The following SPTA1 variants were observed in gnomAD, a reference collection of about 807,000 sequenced individuals.
SPTA1 encodes spectrin alpha, erythrocytic 1.
In SPTA1, 177 loss-of-function variants were observed where a neutral mutation model predicts 324.7. The ratio of observed to expected loss-of-function variants is 0.55; its 90% CI spans 0.48 to 0.62. The LOEUF (loss-of-function observed/expected upper bound fraction) is 0.62. Among genes scored for constraint, SPTA1 ranks in the 20% least tolerant of loss-of-function variants. The pLI, the probability that SPTA1 is intolerant of heterozygous loss-of-function variation, is 0.00. For missense variants in SPTA1, 3,162 were observed against 2,883.6 expected (o/e 1.10, Z -2.21); for synonymous variants, 1,195 against 1,041.3 (o/e 1.15, Z -2.84).
At position 158,642,859 on chromosome 1, in the gene SPTA1, C is replaced by T; in HGVS notation, c.4560G>A (p.Leu1520=). Residue 1520 remains leucine, a synonymous_variant, in exon 32 of 52, where the codon CTG becomes CTA. Coordinates refer to ENST00000643759, the MANE Select transcript of SPTA1 (RefSeq NM_003126.4). ...EELEEWISEM[L]PTACDESYKD... is the part of the protein sequence containing the mutation. ...TGTAGGATTCATCACAGGCTGTGGGCAGCATCTCACTGATCCATTCTTCCA... is the reference window on the plus strand; with the variant it reads ...TGTAGGATTCATCACAGGCTGTGGGTAGCATCTCACTGATCCATTCTTCCA... 6.2e-7 allele frequency: 1 copy of T among 1,613,892 alleles called. No individual in the cohort carries two copies. Among genetic ancestry groups the T allele is most frequent in the Non-Finnish European group, 8.5e-7 (1 of 1,179,888 alleles).
chr1:158,616,751 A>G (rs1029444229), intron 47 of SPTA1, among the ~76,000 whole-genome samples: 4 of 152,072 alleles, frequency 2.6e-5, no homozygotes, highest in Non-Finnish European at 4.4e-5. Flanking sequence ...TGATATATTA[A>G]TTTCCCTTCT....
chr1:158,640,704 T>C (rs1651489810), intron 33 of SPTA1, among the ~76,000 whole-genome samples: 1 of 152,140 alleles, frequency 6.6e-6, no homozygotes, highest in Non-Finnish European at 1.5e-5. Context: ...TCCATGCTCA[T>C]GGGTAGGAAG....
At position 158,677,787 on chromosome 1, in the gene SPTA1, A is replaced by C. The variant is rs753765425; in HGVS notation, c.860T>G (p.Leu287Arg). 1 of 1,613,724 alleles carries C rather than the reference A, an allele frequency of 6.2e-7. No individual in the cohort carries two copies. Among genetic ancestry groups the C allele is most frequent in the South Asian group, 1.1e-5 (1 of 91,068 alleles). The change falls in exon 7 of 52, where the codon CTC becomes CGC. Residue 287 changes from leucine to arginine, a missense_variant. Transcript: ENST00000643759. ...IQWIKEKEPV[L>R]TSEDYGKDLV... ...GTCTTTGCCATAGTCCTCAGAGGTG[A>C]GTACAGGTTCCTTCTCCTTGATCCA...
Position 158,683,396 on chromosome 1 carries a change from C to T in SPTA1, c.365G>A (p.Gly122Asp), listed in dbSNP as rs1571536740. ...CTTCGTTTCTTCGTGGGCAGAATGA[C>T]CCATGGTAAATCGTTCTTCCCTTGT... The part of the protein sequence containing the change: ...EKTREERFTM[G>D]HSAHEETKAH... Residue 122 changes from glycine to aspartate, a missense_variant, in exon 3 of 52, where the codon GGT (glycine) becomes GAT (aspartate). Gly to Asp is a moderately conservative substitution (Grantham distance 94, BLOSUM62 -1). Coordinates refer to ENST00000643759, the MANE Select transcript of SPTA1 (RefSeq NM_003126.4). 2 of 1,613,342 alleles carry T rather than the reference C, an allele frequency of 1.2e-6. No individual in the cohort carries two copies. The highest frequency in any genetic ancestry group is 1.7e-6 in the Non-Finnish European group (2 of 1,179,494).
In SPTA1 at chr1:158,657,618, A is replaced by T. The variant is rs1268656676; in HGVS notation, c.2664T>A (p.Ala888=). The T allele has an allele frequency of 1.2e-6, 2 of 1,614,010 alleles. No individual in the cohort carries two copies. Among genetic ancestry groups the T allele is most frequent in the South Asian group, 2.2e-5 (2 of 91,094 alleles). ...CTTCAAGATCATTTTGTCGCCTAGC[A>T]GCTCGAGCACGGAGAGACTCCATAT... ...NQNMESLRAR[A]ARRQNDLEAN... is the part of the protein sequence containing the mutation. Residue 888 remains alanine (A), a synonymous_variant, in exon 19 of 52, where the codon GCT becomes GCA. Transcript: ENST00000643759.
At chr1:158,620,531 T>G in intron 43 of SPTA1, 65 bp from the exon 44 acceptor site, 2 of 1,595,380 alleles carry the variant, frequency 1.3e-6, no homozygotes, top group Non-Finnish European at 1.7e-6. Flanking sequence ...AAGAGAAGAT[T>G]GAGGATAAAA....
intron 27 of SPTA1, 101 bp downstream of exon 27, chr1:158,647,438 G>A: frequency 6.9e-7 from 1 of 1,446,958 alleles, no homozygotes; most frequent in Admixed American, 1.7e-5. Context: ...CTTAAACGTA[G>A]TGATGCCCTC....
Position 158,613,778 on chromosome 1 carries a change from T to A in SPTA1, c.6932A>T (p.Glu2311Val). The A allele has an allele frequency of 6.2e-7, 1 of 1,613,810 alleles. No individual in the cohort carries two copies. The highest frequency in any genetic ancestry group is 1.7e-4 in the Middle Eastern group (1 of 6,054). ...RGLNYYLPMV[E>V]EDEHEPKFEK... ...AAACTTGGGCTCATGTTCATCCTCC[T>A]CCACCATGGGCAAGTAGTAATTGAG... is the stretch of plus-strand genomic sequence containing the variant. The change falls in exon 50 of 52, where the codon GAG becomes GTG. Residue 2311 changes from glutamate (E) to valine (V), a missense_variant. Transcript: ENST00000643759.
intron 2 of SPTA1, 79 bp from the exon 3 acceptor site, chr1:158,683,575 A>C: frequency 6.3e-7 from 1 of 1,587,596 alleles, no homozygotes; most frequent in East Asian, 2.3e-5. Flanking sequence ...AAAGCCACCA[A>C]ACACAGGTTC....
rs1654574225 is a variant in SPTA1, at chr1:158,678,611, T to G, written c.679-77A>C. ...AAAATTATTCAAACACTTTTCATTTTACATTAGTTCATACTTTTACAGAAG... is the reference window on the plus strand; with the variant it reads ...AAAATTATTCAAACACTTTTCATTTGACATTAGTTCATACTTTTACAGAAG... On this transcript the variant is annotated intron_variant, in intron 5 of 51. Coordinates refer to ENST00000643759, the MANE Select transcript of SPTA1 (RefSeq NM_003126.4). 5 of 1,516,450 alleles carry G rather than the reference T, an allele frequency of 3.3e-6. No individual in the cohort carries two copies. In the Admixed American group the frequency reaches 9.0e-5, roughly 27 times the overall value. 93.9% of individuals were successfully genotyped at this position (1,516,450 alleles called of 1,614,324 possible).
At position 158,642,924 on chromosome 1, in the gene SPTA1, A is replaced by G. The variant is rs758996351; in HGVS notation, c.4495T>C (p.Tyr1499His). Residue 1499 changes from tyrosine (Y) to histidine (H), a missense_variant, in exon 32 of 52, where the codon TAT becomes CAT. Tyr to His is a moderately conservative substitution (Grantham distance 83). Transcript: ENST00000643759. ...CGGTAGAATTGTTTTAGGTTGGCAT[A>G]GTCTCCAAGCTTTGTCCGCTCATCA... Reference protein sequence around the residue: ...LIDERTKLGDYANLKQFYRDL... With the variant: ...LIDERTKLGDHANLKQFYRDL... The G allele has an allele frequency of 1.2e-6, 2 of 1,613,816 alleles. No individual in the cohort carries two copies. Among genetic ancestry groups the G allele is most frequent in the Non-Finnish European group, 1.7e-6 (2 of 1,179,854 alleles).
At chr1:158,640,075 A>C in intron 33 of SPTA1, 68 bp from the exon 34 acceptor site, 1 of 1,610,288 alleles carries the variant, frequency 6.2e-7, no homozygotes, top group East Asian at 2.2e-5. Context: ...ACTTGAGAGA[A>C]TAATGTAGGA....
At chr1:158,634,446 A>G (rs1253302084) in intron 39 of SPTA1, 97 bp downstream of exon 39, 4 of 1,522,686 alleles carry the variant, frequency 2.6e-6, no homozygotes, top group African/African-American at 1.4e-5. Flanking sequence ...TTCTTTCACC[A>G]GAAAAATGTC....
chr1:158,675,531 C>T (rs145161888), intron 8 of SPTA1, among the ~76,000 whole-genome samples: 130 of 152,196 alleles, frequency 8.5e-4, no homozygotes, highest in African/African-American at 2.7e-3. Flanking sequence ...CCAGCAGGTG[C>T]CAGAAACTGC....
At chr1:158,626,323 T>G in intron 41 of SPTA1, 101 bp from the exon 42 acceptor site, 1 of 1,104,410 alleles carries the variant, frequency 9.1e-7, no homozygotes, top group South Asian at 1.3e-5. Flanking sequence ...GAAAGCTTCT[T>G]GACTCTCAAA....
At position 158,683,361 on chromosome 1, in the gene SPTA1, A is replaced by G. The variant is rs780452957; in HGVS notation, c.390+10T>C. 1 of 1,613,142 alleles carries G rather than the reference A, an allele frequency of 6.2e-7. No homozygotes were observed. The highest frequency in any genetic ancestry group is 1.1e-5 in the South Asian group (1 of 91,078). On this transcript the variant is annotated intron_variant, in intron 3 of 51. Coordinates refer to ENST00000643759, the MANE Select transcript of SPTA1 (RefSeq NM_003126.4). Reference sequence around the variant, plus strand: ...TAATTGGAAACTTCTTCAAGGGCCCATACATATACCTTCGTTTCTTCGTGG... The same window carrying G: ...TAATTGGAAACTTCTTCAAGGGCCCGTACATATACCTTCGTTTCTTCGTGG...
chr1:158,626,291 G>T, intron 41 of SPTA1, 69 bp from the exon 42 acceptor site: 1 of 1,429,806 alleles, frequency 7.0e-7, no homozygotes, highest in Non-Finnish European at 9.8e-7. Flanking sequence ...AGCAGAAAAG[G>T]AATATTTACA....
intron 25 of SPTA1, 55 bp from the exon 26 acceptor site, chr1:158,648,708 C>G: frequency 1.9e-6 from 3 of 1,601,492 alleles, no homozygotes; most frequent in South Asian, 2.2e-5. Context: ...CAGAGGCAGG[C>G]TAGTGGGGGT....
chr1:158,677,860 C>G, intron 6 of SPTA1, 26 bp from the exon 7 acceptor site: 1 of 1,613,272 alleles, frequency 6.2e-7, no homozygotes, highest in African/African-American at 1.3e-5. Context: ...AGAGCTCCAA[C>G]CAAAGAAGAT....
Sources: gnomAD v4.1 joint callset for allele counts (sites outside exome capture counted in the v4.1 genomes callset) on GRCh38, gnomAD v4.1.1 for gene constraint, MANE v1.5 for transcripts, NCBI Gene and HGNC (gene_info 2026-07-23, HGNC 2026-07-21) for gene names.